Variants in CMTR1 observed in about 807,000 individuals in gnomAD.
CMTR1 encodes cap methyltransferase 1, also known as cap-specific mRNA (nucleoside-2'-O-)-methyltransferase 1.
CMTR1 carries 39 observed loss-of-function variants against 107.0 expected under a neutral mutation model. The ratio of observed to expected loss-of-function variants is 0.36; its 90% CI spans 0.28 to 0.48. CMTR1 has a LOEUF of 0.48. Ranked by LOEUF, CMTR1 falls within the 20% of genes least tolerant of loss-of-function variation. The probability of loss-of-function intolerance (pLI) is 0.99; values close to 1 mark genes in which losing one functional copy is unlikely to be tolerated. For synonymous variants in CMTR1, 366 were observed against 379.5 expected, an observed-to-expected ratio of 0.96 and a Z score of 0.41; for missense variants, 672 against 1,064.9, an observed-to-expected ratio of 0.63 and a Z score of 5.14.
chr6:37,450,229 C>G, intron 4 of CMTR1, 22 bp from the exon 5 acceptor site: 1 of 1,602,152 alleles, frequency 6.2e-7, no homozygotes, highest in Non-Finnish European at 8.6e-7. Context: ...ATCTGTCTTA[C>G]TAGCCTCTCT....
At chr6:37,468,334 A>G (rs1002222565) in intron 13 of CMTR1, among the ~76,000 whole-genome samples, 2 of 152,140 alleles carry the variant, frequency 1.3e-5, no homozygotes, top group African/African-American at 2.4e-5. Flanking sequence ...TATAAACTCT[A>G]CTTTATATTG....
Position 37,458,975 on chromosome 6 carries a change from T to C in CMTR1, c.976+165T>C, listed in dbSNP as rs550393845. ...TCTTGGTTCCCTCTGGACTATCCCT[T>C]TTTACCCTGGGCCTGCAGAATACAG... On this transcript the variant is annotated intron_variant, in intron 9 of 23. Transcript: ENST00000373451. This position sits in a 1 kb window ranked among gnomAD's most constrained non-coding sequence, Gnocchi z 4.7. Among the ~76,000 whole-genome samples the C allele has an allele frequency of 1.3e-5, 2 of 152,302 alleles. No individual in the cohort carries two copies. Among genetic ancestry groups the C allele is most frequent in the East Asian group, 3.9e-4 (2 of 5,184 alleles).
At chr6:37,476,070 G>T in intron 19 of CMTR1, 56 bp from the exon 20 acceptor site, 2 of 1,550,118 alleles carry the variant, frequency 1.3e-6, no homozygotes, top group South Asian at 2.2e-5. Context: ...CTGGGGGTAG[G>T]GGTGCTGGTG....
chr6:37,476,314 C>T (rs1375089568), intron 20 of CMTR1, 120 bp downstream of exon 20: 8 of 997,898 alleles, frequency 8.0e-6, no homozygotes, highest in African/African-American at 3.2e-5. Flanking sequence ...GAGACAAGAC[C>T]ATTCTTGCCA....
At chr6:37,471,177 A>C (rs1761616882) in intron 14 of CMTR1, 100 bp downstream of exon 14, 1 of 1,063,530 alleles carries the variant, frequency 9.4e-7, no homozygotes, top group Non-Finnish European at 1.4e-6. Context: ...CAAACATTTT[A>C]AAACACCTGC....
chr6:37,431,415 C>T (rs191049187), upstream of CMTR1, among the ~76,000 whole-genome samples: 3 of 152,228 alleles, frequency 2.0e-5, no homozygotes, highest in Non-Finnish European at 4.4e-5. Context: ...TGCTTCCTAG[C>T]TCTGTAATCT....
At chr6:37,447,057 A>G (rs1581732767) in intron 4 of CMTR1, among the ~76,000 whole-genome samples, 1 of 152,194 alleles carries the variant, frequency 6.6e-6, no homozygotes, top group African/African-American at 2.4e-5. Context: ...TCATTTATTT[A>G]TGTCCTATCT....
At chr6:37,463,135 C>CT in intron 13 of CMTR1, 127 bp downstream of exon 13, 2 of 976,490 alleles carry the variant, frequency 2.0e-6, no homozygotes, top group Non-Finnish European at 3.1e-6. Context: ...TGGGTTTGGT[C>CT]TGCTGGTTTC....
chr6:37,475,441 G>A, intron 19 of CMTR1, 29 bp downstream of exon 19: 6 of 1,520,336 alleles, frequency 3.9e-6, no homozygotes, highest in African/African-American at 1.4e-5. Context: ...GGTAGGGAGG[G>A]TGGGGGTAGG....
In CMTR1 at chr6:37,481,239, GGTT is replaced by G. The variant is rs1761850747; in HGVS notation, c.*1098_*1100del. On this transcript the variant is annotated 3_prime_UTR_variant, in exon 24 of 24. Transcript: ENST00000373451. ...GCTTGGGGTGGGGGTGGGCACCTGT[GGTT>G]GTTTTTAATGGGAAATACCTCTCAG... 4 of 1,294,354 alleles carry G rather than the reference GGTT, an allele frequency of 3.1e-6. No homozygotes were observed. The highest frequency in any genetic ancestry group is 2.5e-4 in the Middle Eastern group (1 of 3,996). 80.2% of individuals were successfully genotyped at this position (1,294,354 alleles called of 1,614,324 possible). A position where few individuals can be genotyped will look rare whatever the true frequency, so the allele number is the denominator to read the frequency against.
At chr6:37,424,002 C>T in the CMTR1 span, among the ~76,000 whole-genome samples, 1 of 152,054 alleles carries the variant, frequency 6.6e-6, no homozygotes, top group African/African-American at 2.4e-5. Flanking sequence ...ACGTTGCTGG[C>T]AAAGAGAAGA....
chr6:37,439,845 C>T (rs1311827316), intron 2 of CMTR1, among the ~76,000 whole-genome samples: 1 of 152,122 alleles, frequency 6.6e-6, no homozygotes, highest in Admixed American at 6.5e-5. Context: ...CAGGGTTTCA[C>T]TATGTTGCCC....
intron 19 of CMTR1, chr6:37,475,632 C>A: frequency 5.1e-6 from 3 of 586,626 alleles, no homozygotes; most frequent in South Asian, 2.0e-5. Context: ...ATCAGAGATA[C>A]CAGCACACTC....
chr6:37,432,107 C>T (rs1217056656), upstream of CMTR1, among the ~76,000 whole-genome samples: 1 of 152,114 alleles, frequency 6.6e-6, no homozygotes, highest in Non-Finnish European at 1.5e-5. Context: ...TGTGAGCCAC[C>T]GCGCCCGGCG....
chr6:37,426,271 C>T, the CMTR1 span, among the ~76,000 whole-genome samples: 662 of 152,166 alleles, frequency 4.4e-3, 10 homozygotes, highest in African/African-American at 0.015. Context: ...TCTGCCATCA[C>T]GTCTTTTTCA....
chr6:37,449,332 G>A (rs1195672046), intron 4 of CMTR1, among the ~76,000 whole-genome samples: 1 of 97,682 alleles, frequency 1.0e-5, no homozygotes, highest in Admixed American at 1.2e-4. Flanking sequence ...TTTTCAAGAC[G>A]GAGTTTTGTT....
upstream of CMTR1, among the ~76,000 whole-genome samples, chr6:37,430,790 G>A (rs1366462872): frequency 1.3e-5 from 2 of 152,046 alleles, no homozygotes; most frequent in East Asian, 1.9e-4. Context: ...TGAGGTGGGC[G>A]GATCACGAGG....
chr6:37,455,189 A>T (rs1396334577), intron 8 of CMTR1, among the ~76,000 whole-genome samples: 1 of 151,568 alleles, frequency 6.6e-6, no homozygotes, highest in Non-Finnish European at 1.5e-5. Flanking sequence ...GGTTCACGTG[A>T]TTCTCCTGCC....
intron 4 of CMTR1, 90 bp downstream of exon 4, chr6:37,446,539 C>T (rs1771799233): frequency 6.9e-7 from 1 of 1,455,222 alleles, no homozygotes; most frequent in African/African-American, 1.4e-5. Flanking sequence ...CTAGAAATCT[C>T]CAGAGGCAGT....
Sources: allele counts gnomAD v4.1 joint callset (sites outside exome capture counted in the v4.1 genomes callset), GRCh38; gene constraint gnomAD v4.1.1; non-coding constraint Gnocchi (gnomAD v3.1); transcripts MANE v1.5; gene names NCBI Gene and HGNC (gene_info 2026-07-23, HGNC 2026-07-21).